TSPAN15: variants seen among roughly 807,000 people sequenced by gnomAD.
TSPAN15 encodes tetraspanin-15.
In TSPAN15, 20 loss-of-function variants were observed where a neutral mutation model predicts 34.5. That is an observed-to-expected ratio of 0.58 (90% confidence interval 0.41 to 0.84). The LOEUF is 0.84. Among genes scored for constraint, TSPAN15 ranks in the 40% least tolerant of loss-of-function variants. The pLI is 0.00. For missense variants in TSPAN15, 313 were observed against 386.1 expected, an observed-to-expected ratio of 0.81 and a Z score of 1.59; for synonymous variants, 155 against 153.9, an observed-to-expected ratio of 1.01 and a Z score of -0.05.
Position 69,496,883 on chromosome 10 carries a change from T to C in TSPAN15, c.453+1194T>C, listed in dbSNP as rs182590677. Among the ~76,000 whole-genome samples, 809 of 152,338 alleles carry C rather than the reference T, an allele frequency of 5.3e-3. 7 individuals carry two copies. The highest frequency in any genetic ancestry group is 0.018 in the African/African-American group (768 of 41,574). On this transcript the variant is annotated intron_variant, in intron 4 of 7. Transcript: ENST00000373290. ...TCCGGGTGGAGTGAGATGTTTTTAT[T>C]GGAACCAGCCTTTAGCTGGCTTGGG...
the TSPAN15 span, among the ~76,000 whole-genome samples, chr10:69,531,302 T>C: frequency 2.2e-4 from 28 of 126,018 alleles, 1 homozygote; most frequent in African/African-American, 6.3e-4. Context: ...TCAAATCTTA[T>C]TCAAAAGTAT....
At chr10:69,507,800 A>T, downstream of TSPAN15, 116 of 309,394 alleles carry the variant, frequency 3.7e-4, no homozygotes, top group Non-Finnish European at 5.8e-4. Flanking sequence ...CTTGGGATAC[A>T]GGTGGGGGGT....
At chr10:69,546,781 A>G in the TSPAN15 span, among the ~76,000 whole-genome samples, 1 of 152,104 alleles carries the variant, frequency 6.6e-6, no homozygotes, top group African/African-American at 2.4e-5. Context: ...AACAAATGTC[A>G]CTGCTCAGTC....
chr10:69,539,524 AAGAAGAAGAAGAAGGAGAAGG>A, the TSPAN15 span, among the ~76,000 whole-genome samples: 1,505 of 115,372 alleles, frequency 0.013, 61 homozygotes, highest in Middle Eastern at 0.036. Context: ...GAAGAAGAAG[AAGAAGAAGAAGAAGGAGAAGG>A]AGAAGGAGAA....
intron 3 of TSPAN15, among the ~76,000 whole-genome samples, chr10:69,492,051 T>C (rs1841979909): frequency 6.6e-6 from 1 of 152,258 alleles, no homozygotes; most frequent in African/African-American, 2.4e-5. Context: ...AACAACATGC[T>C]TTCAAACCTT....
chr10:69,494,921 A>G, intron 3 of TSPAN15: 1 of 962,056 alleles, frequency 1.0e-6, no homozygotes. Flanking sequence ...TGATCCAGAA[A>G]GCGCAGCGTG....
the TSPAN15 span, among the ~76,000 whole-genome samples, chr10:69,527,487 C>T: frequency 4.1e-5 from 6 of 146,188 alleles, 1 homozygote; most frequent in Admixed American, 1.4e-4. Context: ...CCTAGCTACT[C>T]GGGAGGCTGA....
At chr10:69,504,138 G>A (rs1192426254) in intron 5 of TSPAN15, among the ~76,000 whole-genome samples, 5 of 152,318 alleles carry the variant, frequency 3.3e-5, no homozygotes, top group Middle Eastern at 3.4e-3. Context: ...GTCATAGCCC[G>A]GGAGCGTGGG....
intron 3 of TSPAN15, among the ~76,000 whole-genome samples, chr10:69,492,319 C>T (rs1235768505): frequency 6.6e-6 from 1 of 152,230 alleles, no homozygotes; most frequent in East Asian, 1.9e-4. Flanking sequence ...ACTGCACAGC[C>T]AGCTTGCCTC....
chr10:69,495,579 T>C lies in TSPAN15; in HGVS notation c.358-15T>C. 6.3e-7 allele frequency: 1 copy of C among 1,594,694 alleles called. No homozygotes were observed. ...TGTGTGGTTCTTTTCCTTTGTAATT[T>C]CTCCTTTTGAATAGACCATTGACTT... On this transcript the variant is annotated splice_polypyrimidine_tract_variant and intron_variant, in intron 3 of 7. Coordinates refer to ENST00000373290, the MANE Select transcript of TSPAN15 (RefSeq NM_012339.5).
At chr10:69,483,947 G>C in intron 2 of TSPAN15, 71 bp downstream of exon 2, 1 of 1,516,314 alleles carries the variant, frequency 6.6e-7, no homozygotes, top group Non-Finnish European at 8.9e-7. Flanking sequence ...TGTGCCCTTG[G>C]GCAGCTCAGT....
At chr10:69,501,545 A>G (rs1842208524) in intron 5 of TSPAN15, among the ~76,000 whole-genome samples, 1 of 152,228 alleles carries the variant, frequency 6.6e-6, no homozygotes, top group African/African-American at 2.4e-5. Context: ...TATGTAGTGT[A>G]AAAAACTAAA....
At chr10:69,479,250 G>A (rs1172527649) in intron 1 of TSPAN15, among the ~76,000 whole-genome samples, 2 of 152,264 alleles carry the variant, frequency 1.3e-5, no homozygotes, top group African/African-American at 4.8e-5. Context: ...CGGGTGACCA[G>A]ATGCTTCCTT....
the TSPAN15 span, among the ~76,000 whole-genome samples, chr10:69,532,943 C>A: frequency 2.6e-5 from 4 of 152,152 alleles, no homozygotes; most frequent in African/African-American, 9.7e-5. Flanking sequence ...GCATCACCAA[C>A]AATCAGGGAA....
At chr10:69,549,244 T>G in the TSPAN15 span, among the ~76,000 whole-genome samples, 2 of 152,214 alleles carry the variant, frequency 1.3e-5, no homozygotes, top group Non-Finnish European at 2.9e-5. Context: ...CTGTAAGATT[T>G]CTACTTTATC....
At chr10:69,469,164 A>G (rs541970680) in intron 1 of TSPAN15, among the ~76,000 whole-genome samples, 1 of 151,840 alleles carries the variant, frequency 6.6e-6, no homozygotes, top group Non-Finnish European at 1.5e-5. Flanking sequence ...CTCTTGAACA[A>G]TGAGATTTGA....
chr10:69,467,147 C>A (rs2133079395), intron 1 of TSPAN15, among the ~76,000 whole-genome samples: 1 of 152,226 alleles, frequency 6.6e-6, no homozygotes, highest in East Asian at 1.9e-4. Context: ...GACAAGAGAC[C>A]CTCCTTCTCC....
chr10:69,500,099 G>A (rs1190797100), intron 5 of TSPAN15, among the ~76,000 whole-genome samples: 1 of 152,174 alleles, frequency 6.6e-6, no homozygotes. Context: ...AGAGTTAGGG[G>A]CTGATATGCA....
chr10:69,463,688 T>C (rs902982872), intron 1 of TSPAN15, among the ~76,000 whole-genome samples: 6 of 151,880 alleles, frequency 4.0e-5, no homozygotes, highest in African/African-American at 1.5e-4. Flanking sequence ...CACATGCCTA[T>C]AATCCCAGTT....
Sources: gnomAD v4.1 joint callset for allele counts (sites outside exome capture counted in the v4.1 genomes callset) on GRCh38, gnomAD v4.1.1 for gene constraint, MANE v1.5 for transcripts, NCBI Gene and HGNC (gene_info 2026-07-23, HGNC 2026-07-21) for gene names.